BORA: variants seen among roughly 807,000 people sequenced by gnomAD.
The protein encoded by BORA is BORA aurora kinase A activator.
A neutral mutation model predicts 55.8 loss-of-function variants in BORA; 26 were observed. That is an observed-to-expected ratio of 0.47 (90% CI 0.34 to 0.65). The LOEUF is 0.65. BORA is among the 30% of genes least tolerant of loss of function. BORA has a pLI of 0.01. For synonymous variants in BORA, 201 were observed against 216.9 expected (o/e 0.93, Z 0.64); for missense variants, 568 against 671.5 (o/e 0.85, Z 1.70).
chr13:72,730,778 C>A (rs1459853161), intron 2 of BORA, among the ~76,000 whole-genome samples: 1 of 151,544 alleles, frequency 6.6e-6, no homozygotes, highest in African/African-American at 2.4e-5. Flanking sequence ...GAGATACAGG[C>A]TGGGCGCTGT....
Position 72,755,931 on chromosome 13 carries a change from G to T in BORA, c.*715G>T, listed in dbSNP as rs986665116. ...TTCCAGCTCAAACGTGGGTAGGGATGTGGGAGAATAAGAATGTGGGAGAAC... is the reference window on the plus strand; with the variant it reads ...TTCCAGCTCAAACGTGGGTAGGGATTTGGGAGAATAAGAATGTGGGAGAAC... On this transcript the variant is annotated 3_prime_UTR_variant, in exon 12 of 12. Transcript: ENST00000390667. The T allele has an allele frequency of 1.5e-5, 6 of 398,646 alleles. No homozygotes were observed. The highest frequency in any genetic ancestry group is 2.2e-5 in the Non-Finnish European group (5 of 226,080). The allele number at this position is 398,646 out of a possible 1,614,324, so 24.7% of individuals were successfully genotyped here.
chr13:72,752,505 A>G (rs2138109109), intron 10 of BORA: 1 of 152,306 alleles, frequency 6.6e-6, no homozygotes, highest in East Asian at 1.9e-4. Context: ...TTCCCTCCAT[A>G]TATATCCAGT....
intron 11 of BORA, chr13:72,754,827 C>T (rs1010476389): frequency 9.4e-6 from 2 of 213,784 alleles, no homozygotes; most frequent in Non-Finnish European, 1.9e-5. Context: ...GCAGTCTTAC[C>T]ACCTCAGCCT....
rs58975643 is a variant in BORA at position 72,748,728 on chromosome 13, TTCTCTCTCTCTCTCTCTC to T, written c.1482+1631_1482+1648del. On this transcript the variant is annotated intron_variant, in intron 10 of 11. Coordinates refer to ENST00000390667, the MANE Select transcript of BORA (RefSeq NM_024808.5). ...CTTTTACTCTCTGCCTTTTTTCACT[TTCTCTCTCTCTCTCTCTC>T]TCTCTCTCTCTCTTTTTTATATAGA... Among the ~76,000 whole-genome samples the T allele has an allele frequency of 6.2e-3, 861 of 137,800 alleles. 7 individuals are homozygous for T. Among genetic ancestry groups the T allele is most frequent in the African/African-American group, 0.02 (802 of 40,764 alleles). 90.4% of individuals were successfully genotyped at this position (137,800 alleles called of 152,430 possible).
chr13:72,751,005 G>A (rs2033260722), intron 10 of BORA, among the ~76,000 whole-genome samples: 1 of 152,140 alleles, frequency 6.6e-6, no homozygotes, highest in African/African-American at 2.4e-5. Flanking sequence ...GCAGATTTCA[G>A]TTTATAGCCC....
chr13:72,730,559 C>T (rs1393678079), intron 2 of BORA, among the ~76,000 whole-genome samples: 1 of 152,140 alleles, frequency 6.6e-6, no homozygotes, highest in Non-Finnish European at 1.5e-5. Context: ...TTGCAGCCAC[C>T]TCCAAAGTGA....
chr13:72,728,604 T>A (rs1408741159), intron 1 of BORA, among the ~76,000 whole-genome samples: 3 of 152,234 alleles, frequency 2.0e-5, no homozygotes, highest in Non-Finnish European at 4.4e-5. Flanking sequence ...TCTGGGCCTG[T>A]TGTAACCTTT....
Position 72,745,072 on chromosome 13 carries a change from C to A in BORA, c.603C>A (p.Asn201Lys). 6.2e-7 allele frequency: 1 copy of A among 1,614,078 alleles called. No individual in the cohort carries two copies. Among genetic ancestry groups the A allele is most frequent in the Admixed American group, 1.7e-5 (1 of 60,010 alleles). ...SLRRKLFLDG[N>K]GSISDSLPSA... ...GAAGAAAGCTGTTTTTAGATGGGAA[C>A]GGAAGCATCTCCGACTCCTTACCTT... Residue 201 changes from asparagine (N) to lysine (K), a missense_variant, in exon 8 of 12, where the codon AAC (asparagine) becomes AAA (lysine). Transcript: ENST00000390667.
chr13:72,736,964 A>T lies in BORA; in HGVS notation c.307-998A>T, dbSNP rs1464299843. Among the ~76,000 whole-genome samples the T allele has an allele frequency of 1.1e-4, 16 of 148,318 alleles. 1 individual carries two copies. The highest frequency in any genetic ancestry group is 3.5e-3 in the Middle Eastern group (1 of 284). ...AATTTTTTTTCTGGTAATTGTCTAT[A>T]TCTGCCCCAGTCCACCTTTAAAAAA... On this transcript the variant is annotated intron_variant, in intron 4 of 11. Coordinates refer to ENST00000390667, the MANE Select transcript of BORA (RefSeq NM_024808.5).
At chr13:72,733,636 A>T (rs1051926669) in intron 3 of BORA, among the ~76,000 whole-genome samples, 5 of 152,172 alleles carry the variant, frequency 3.3e-5, no homozygotes, top group Admixed American at 6.5e-5. Flanking sequence ...ATGTGCTGCC[A>T]TTTTGACCAT....
At position 72,747,195 on chromosome 13, in the gene BORA, A is replaced by G; in HGVS notation, c.1482+84A>G. ...CTAAGATTATAGTATAAGAAAGATA[A>G]TGGATTAAACATGAGGACTACAGTA... is the stretch of plus-strand genomic sequence containing the variant. On this transcript the variant is annotated intron_variant, in intron 10 of 11. Coordinates refer to ENST00000390667, the MANE Select transcript of BORA (RefSeq NM_024808.5). The G allele has an allele frequency of 2.8e-6, 4 of 1,448,674 alleles. No homozygotes were observed. In the South Asian group the frequency reaches 5.4e-5, roughly 19 times the overall value. 89.7% of individuals were successfully genotyped at this position (1,448,674 alleles called of 1,614,324 possible). A position where few individuals can be genotyped will look rare whatever the true frequency, so the allele number is the denominator to read the frequency against.
Position 72,746,612 on chromosome 13 carries a change from A to T in BORA, c.983A>T (p.Lys328Ile), listed in dbSNP as rs1322203011. ...TATATAGATGGCTGCTCGCCAATTA[A>T]AAATTGGTCTCCTATGAGACTTCAG... ...SPYIDGCSPI[K>I]NWSPMRLQMY... Residue 328 changes from lysine to isoleucine, a missense_variant, in exon 10 of 12, where the codon AAA (lysine) becomes ATA (isoleucine). Physicochemically the swap from Lys to Ile is moderately radical, Grantham distance 102. Transcript: ENST00000390667. 1 of 1,614,130 alleles carries T rather than the reference A, an allele frequency of 6.2e-7. No individual in the cohort carries two copies. The highest frequency in any genetic ancestry group is 1.1e-5 in the South Asian group (1 of 91,080).
chr13:72,750,761 G>A (rs2138103581), intron 10 of BORA, among the ~76,000 whole-genome samples: 1 of 152,178 alleles, frequency 6.6e-6, no homozygotes, highest in Non-Finnish European at 1.5e-5. Flanking sequence ...GCTAATCCCT[G>A]TAATACCTTA....
chr13:72,753,843 AG>A (rs1219297018), intron 11 of BORA, 22 bp downstream of exon 11: 3 of 1,589,318 alleles, frequency 1.9e-6, no homozygotes, highest in Non-Finnish European at 2.6e-6. Flanking sequence ...ATATAGTGAA[AG>A]CTTAATATTG....
At chr13:72,751,566 T>C (rs1025166665) in intron 10 of BORA, among the ~76,000 whole-genome samples, 1 of 152,008 alleles carries the variant, frequency 6.6e-6, no homozygotes, top group African/African-American at 2.4e-5. Context: ...GAGTATAGAA[T>C]AGTGGTAGGT....
intron 2 of BORA, among the ~76,000 whole-genome samples, chr13:72,731,022 T>C (rs2032803102): frequency 6.6e-6 from 1 of 151,988 alleles, no homozygotes. Context: ...GAGCTGAGAT[T>C]ACACCAGTGC....
chr13:72,750,249 A>G lies in BORA; in HGVS notation c.1482+3138A>G, dbSNP rs531038279. On this transcript the variant is annotated intron_variant, in intron 10 of 11. Coordinates refer to ENST00000390667, the MANE Select transcript of BORA (RefSeq NM_024808.5). The stretch of plus-strand genomic sequence containing the variant: ...CAGGAAAGAATGGTTAGCATTGCCA[A>G]AATAGGAGCAAGCAACATTGGGCTT... Among the ~76,000 whole-genome samples the G allele has an allele frequency of 2.0e-5, 3 of 152,356 alleles. No individual in the cohort carries two copies. The South Asian group carries it at 6.2e-4, about 32-fold the overall frequency.
At chr13:72,743,483 TA>T in intron 5 of BORA, 53 bp from the exon 6 acceptor site, 1 of 1,309,088 alleles carries the variant, frequency 7.6e-7, no homozygotes, top group East Asian at 2.5e-5. Context: ...AAAGTAATGC[TA>T]AAGCAAATGA....
chr13:72,738,981 A>G (rs1054294248), intron 5 of BORA, among the ~76,000 whole-genome samples: 7 of 152,360 alleles, frequency 4.6e-5, no homozygotes, highest in African/African-American at 1.7e-4. Context: ...CTTAGCCATT[A>G]TGAATTAGTG....
Sources: allele counts gnomAD v4.1 joint callset (sites outside exome capture counted in the v4.1 genomes callset), GRCh38; gene constraint gnomAD v4.1.1; transcripts MANE v1.5; gene names NCBI Gene and HGNC (gene_info 2026-07-23, HGNC 2026-07-21).